Variants in TCF7L2 observed in about 807,000 individuals in gnomAD.
The protein encoded by TCF7L2 is transcription factor 7 like 2, also known as transcription factor 7-like 2.
TCF7L2 carries 23 observed loss-of-function variants against 77.9 expected under a neutral mutation model. The ratio of observed to expected loss-of-function variants is 0.30; its 90% CI spans 0.21 to 0.42. The LOEUF is 0.42. Ranked by LOEUF, TCF7L2 falls within the 10% of genes least tolerant of loss-of-function variation. TCF7L2 has a pLI of 1.00. For synonymous variants in TCF7L2, 413 were observed against 340.2 expected, an observed-to-expected ratio of 1.21 and a Z score of -2.36; for missense variants, 654 against 793.1, an observed-to-expected ratio of 0.82 and a Z score of 2.11.
chr10:112,964,935 T>C (rs1367782545), intron 4 of TCF7L2, among the ~76,000 whole-genome samples: 1 of 152,124 alleles, frequency 6.6e-6, no homozygotes, highest in Non-Finnish European at 1.5e-5. Context: ...TAAGAGTTTC[T>C]TGACCGGGCA....
chr10:113,058,574 G>A (rs2055819796), intron 5 of TCF7L2, among the ~76,000 whole-genome samples: 1 of 152,136 alleles, frequency 6.6e-6, no homozygotes, highest in African/African-American at 2.4e-5. Context: ...TTCCTGGTCA[G>A]TTTGTGAGAA....
intron 13 of TCF7L2, among the ~76,000 whole-genome samples, chr10:113,163,211 G>A (rs1161637063): frequency 6.6e-6 from 1 of 152,100 alleles, no homozygotes; most frequent in African/African-American, 2.4e-5. Flanking sequence ...CATGAGGGTG[G>A]GAGGGGTGAG....
rs139061414 is a variant in TCF7L2, at chr10:112,989,719, G to A, written c.450+25095G>A. Among the ~76,000 whole-genome samples the A allele has an allele frequency of 3.8e-3, 583 of 152,270 alleles. 2 individuals carry two copies. Among genetic ancestry groups the A allele is most frequent in the Non-Finnish European group, 6.4e-3 (433 of 68,018 alleles). On this transcript the variant is annotated intron_variant, in intron 4 of 13. Transcript: ENST00000627217. ...AACCTTTTCTACCTTCTCGGACACT[G>A]TTTTAAAACACAGCAGCGTGATAGC...
rs1259416711 is a variant in TCF7L2, at chr10:112,964,642, T to A, written c.450+18T>A. 1 of 1,608,378 alleles carries A rather than the reference T, an allele frequency of 6.2e-7. No homozygotes were observed. The highest frequency in any genetic ancestry group is 1.3e-5 in the African/African-American group (1 of 74,766). On this transcript the variant is annotated intron_variant, in intron 4 of 13. Transcript: ENST00000627217. ...CAGTTCAGGTAGGAAACGCAAGAGATTCTGAAGCTTGAATTGTCTATATGT... is the reference window on the plus strand; with the variant it reads ...CAGTTCAGGTAGGAAACGCAAGAGAATCTGAAGCTTGAATTGTCTATATGT...
chr10:112,988,151 G>T (rs2041907647), intron 4 of TCF7L2, among the ~76,000 whole-genome samples: 3 of 151,624 alleles, frequency 2.0e-5, no homozygotes, highest in East Asian at 1.9e-4. Flanking sequence ...GCCCAGGCTG[G>T]AGTACAGTGG....
intron 5 of TCF7L2, among the ~76,000 whole-genome samples, chr10:113,131,834 C>A (rs2066645687): frequency 6.6e-6 from 1 of 152,124 alleles, no homozygotes; most frequent in South Asian, 2.1e-4. Flanking sequence ...CCTGACATGC[C>A]CTCCAGATTA....
intron 4 of TCF7L2, among the ~76,000 whole-genome samples, chr10:113,005,020 G>C (rs2045277724): frequency 6.6e-6 from 1 of 152,170 alleles, no homozygotes; most frequent in Non-Finnish European, 1.5e-5. Context: ...AGAAAGTCTT[G>C]CTCTGTAAGC....
At chr10:113,084,409 G>A (rs1284491572) in intron 5 of TCF7L2, among the ~76,000 whole-genome samples, 1 of 152,228 alleles carries the variant, frequency 6.6e-6, no homozygotes, top group Non-Finnish European at 1.5e-5. Context: ...TCAGGAGGAT[G>A]CCGGCTGGTT....
Position 113,053,085 on chromosome 10 carries a change from G to A in TCF7L2, c.552+12959G>A, listed in dbSNP as rs118157836. Among the ~76,000 whole-genome samples the A allele has an allele frequency of 2.8e-3, 427 of 152,236 alleles. 7 individuals are homozygous for A. The highest frequency in any genetic ancestry group is 8.8e-3 in the Admixed American group (135 of 15,306). ...ACACAGGCACAGCTCTCATGCCAAC[G>A]ATCTCATGGTTAAGTTTTGGAACAT... On this transcript the variant is annotated intron_variant, in intron 5 of 13. Transcript: ENST00000627217.
intron 5 of TCF7L2, among the ~76,000 whole-genome samples, chr10:113,071,831 A>C (rs544698171): frequency 1.1e-4 from 17 of 152,244 alleles, no homozygotes; most frequent in Non-Finnish European, 2.1e-4. Flanking sequence ...ATTGGTGCAG[A>C]TCCTTGGAGG....
chr10:113,127,426 A>G (rs1315070739), intron 5 of TCF7L2, among the ~76,000 whole-genome samples: 1 of 152,058 alleles, frequency 6.6e-6, no homozygotes, highest in African/African-American at 2.4e-5. Flanking sequence ...AAACAAAACA[A>G]AAGTTTGCTG....
intron 3 of TCF7L2, among the ~76,000 whole-genome samples, chr10:112,957,698 C>T (rs1292444059): frequency 6.6e-6 from 1 of 152,060 alleles, no homozygotes; most frequent in Non-Finnish European, 1.5e-5. Flanking sequence ...AGATGGGCTG[C>T]GATCCCTTCA....
chr10:112,986,010 T>TTAAAG (rs2041460810), intron 4 of TCF7L2, among the ~76,000 whole-genome samples: 1 of 151,964 alleles, frequency 6.6e-6, no homozygotes, highest in African/African-American at 2.4e-5. Flanking sequence ...AGTGTGATCT[T>TTAAAG]CAAAGACGAG....
At chr10:113,059,068 T>C (rs1474763632) in intron 5 of TCF7L2, among the ~76,000 whole-genome samples, 1 of 151,932 alleles carries the variant, frequency 6.6e-6, no homozygotes, top group Non-Finnish European at 1.5e-5. Flanking sequence ...GAAAGTGGTG[T>C]GGGGAGGGGA....
intron 5 of TCF7L2, among the ~76,000 whole-genome samples, chr10:113,070,953 C>T (rs2057929581): frequency 6.6e-6 from 1 of 152,152 alleles, no homozygotes; most frequent in African/African-American, 2.4e-5. Flanking sequence ...TCCCTAAGTC[C>T]CACAGTCCTA....
At chr10:113,120,985 T>C (rs1451699304) in intron 5 of TCF7L2, among the ~76,000 whole-genome samples, 1 of 152,228 alleles carries the variant, frequency 6.6e-6, no homozygotes, top group Non-Finnish European at 1.5e-5. Flanking sequence ...GCATGATAGA[T>C]GTCTTCTAAT....
intron 4 of TCF7L2, among the ~76,000 whole-genome samples, 195 bp downstream of exon 4, chr10:112,964,819 G>GT (rs1357611116): frequency 2.9e-5 from 4 of 138,580 alleles, no homozygotes; most frequent in South Asian, 2.6e-4. Flanking sequence ...TGGTGGGGGG[G>GT]GGTTGAATCA....
At chr10:113,078,742 G>C (rs1420183933) in intron 5 of TCF7L2, among the ~76,000 whole-genome samples, 1 of 152,120 alleles carries the variant, frequency 6.6e-6, no homozygotes, top group African/African-American at 2.4e-5. Context: ...ACATGCCTCT[G>C]ATAGGTGCTA....
intron 12 of TCF7L2, among the ~76,000 whole-genome samples, chr10:113,159,517 CTTCT>C (rs1221024740): frequency 1.3e-5 from 2 of 151,460 alleles, no homozygotes; most frequent in Non-Finnish European, 2.9e-5. Flanking sequence ...GCTTTATTTT[CTTCT>C]TTAAGAAAAA....
Sources: allele counts gnomAD v4.1 joint callset (sites outside exome capture counted in the v4.1 genomes callset), GRCh38; gene constraint gnomAD v4.1.1; transcripts MANE v1.5; gene names NCBI Gene and HGNC (gene_info 2026-07-23, HGNC 2026-07-21).